VPS9D1: variants seen among roughly 807,000 people sequenced by gnomAD.
VPS9D1 encodes the protein VPS9 domain-containing protein 1.
In VPS9D1, 78 loss-of-function variants were observed where a neutral mutation model predicts 75.8. The ratio of observed to expected loss-of-function variants is 1.03; its 90% CI spans 0.86 to 1.24. The LOEUF (loss-of-function observed/expected upper bound fraction) is 1.24. Among genes scored for constraint, VPS9D1 ranks in the 50% most tolerant of loss-of-function variants. The pLI is 0.00. For synonymous variants in VPS9D1, 481 were observed against 385.6 expected, an observed-to-expected ratio of 1.25 and a Z score of -2.90; for missense variants, 1,057 against 847.7, an observed-to-expected ratio of 1.25 and a Z score of -3.07.
chr16:89,720,152 C>G (rs1031526871), intron 1 of VPS9D1, among the ~76,000 whole-genome samples: 1 of 152,216 alleles, frequency 6.6e-6, no homozygotes, highest in Non-Finnish European at 1.5e-5. Context: ...TAAAAACCAA[C>G]TTGGGGAAAG....
Position 89,709,127 on chromosome 16 carries a change from C to T in VPS9D1, c.1597+100G>A. The T allele has an allele frequency of 3.2e-6, 5 of 1,551,004 alleles. No individual in the cohort carries two copies. In the South Asian group the frequency reaches 4.5e-5, roughly 14 times the overall value. Reference sequence around the variant, plus strand: ...TTGTTCTGGTCCCCCAACCTCCCCACCGGCACGTGACAAGAGAAGCTCAGT... The same window carrying T: ...TTGTTCTGGTCCCCCAACCTCCCCATCGGCACGTGACAAGAGAAGCTCAGT... On this transcript the variant is annotated intron_variant, in intron 12 of 14. Coordinates refer to ENST00000389386, the MANE Select transcript of VPS9D1 (RefSeq NM_004913.3).
Position 89,716,570 on chromosome 16 carries a change from G to A in VPS9D1, c.323C>T (p.Ala108Val), listed in dbSNP as rs777613955. 19 of 1,613,964 alleles carry A rather than the reference G, an allele frequency of 1.2e-5. No individual in the cohort carries two copies. The Admixed American group carries it at 2.0e-4, about 17-fold the overall frequency. Residue 108 changes from alanine (A) to valine (V), a missense_variant, in exon 4 of 15, where the codon GCC becomes GTC. Physicochemically the swap from Ala to Val is moderately conservative, Grantham distance 64. Coordinates refer to ENST00000389386, the MANE Select transcript of VPS9D1 (RefSeq NM_004913.3). ...GGAGTATACACGGCGGTGTCGGCCG[G>A]CAGGCTGGGGAATGGGAGCAGCTGC... The part of the protein sequence containing the change: ...MPAAAPIPQP[A>V]GRHRRVYSDE...
intron 8 of VPS9D1, 152 bp from the exon 9 acceptor site, chr16:89,711,564 C>T: frequency 1.4e-6 from 1 of 720,988 alleles, no homozygotes; most frequent in Non-Finnish European, 2.3e-6. Flanking sequence ...CCCGCCCCCG[C>T]CCCCACCCAC....
intron 10 of VPS9D1, among the ~76,000 whole-genome samples, 157 bp downstream of exon 10, chr16:89,710,427 CTG>C (rs1313620086): frequency 6.6e-6 from 1 of 152,182 alleles, no homozygotes; most frequent in Non-Finnish European, 1.5e-5. Flanking sequence ...TTCTACCACA[CTG>C]TTTCCAAAAT....
intron 1 of VPS9D1, chr16:89,720,319 T>A (rs2151648716): frequency 1.2e-6 from 1 of 824,658 alleles, no homozygotes; most frequent in South Asian, 5.6e-5. Context: ...TGCTTTTCCT[T>A]CCTAAGACGA....
chr16:89,718,113 T>A (rs10468304), intron 2 of VPS9D1: 438,295 of 447,686 alleles, frequency 0.98, 215,104 homozygotes, highest in East Asian at 1. Flanking sequence ...CTGTGATCCT[T>A]TGTGCAGCGG....
chr16:89,711,563 G>GCCCCCA (rs1251722209), intron 8 of VPS9D1, 151 bp from the exon 9 acceptor site: 1 of 309,760 alleles, frequency 3.2e-6, no homozygotes, highest in Non-Finnish European at 5.2e-6. Flanking sequence ...ACCCGCCCCC[G>GCCCCCA]CCCCCACCCA....
rs190360062 is a variant in VPS9D1, at chr16:89,709,723, G to A, written c.1388+54C>T. 5.6e-6 allele frequency: 9 copies of A among 1,611,116 alleles called. No homozygotes were observed. The Admixed American group carries it at 8.4e-5, about 15-fold the overall frequency. On this transcript the variant is annotated intron_variant, in intron 11 of 14. Transcript: ENST00000389386. The stretch of plus-strand genomic sequence containing the variant: ...AGGGAGCAGGGCAGGCCTCCTGGGG[G>A]ACTGGGCTGGAAGACACTAGGCCAC...
At chr16:89,719,425 G>A (rs2061181579) in intron 1 of VPS9D1, 4 of 487,046 alleles carry the variant, frequency 8.2e-6, no homozygotes, top group Non-Finnish European at 1.6e-5. Context: ...TCATTCAGTG[G>A]GCCTGGGGAA....
In VPS9D1 at chr16:89,710,940, C is replaced by G; in HGVS notation, c.904G>C (p.Ala302Pro). ...QCSVYSALYP[A>P]VSRAAAPAPG... is the part of the protein sequence containing the mutation. The stretch of plus-strand genomic sequence containing the variant: ...GCTGGCGCGGCTGCTCTGCTCACGG[C>G]GGGATACAGGGCGCTGTACACGGAG... The change falls in exon 10 of 15, where the codon GCC becomes CCC. Residue 302 changes from alanine to proline, a missense_variant. Ala to Pro is a conservative substitution (Grantham distance 27, BLOSUM62 -1). Coordinates refer to ENST00000389386, the MANE Select transcript of VPS9D1 (RefSeq NM_004913.3). 6.8e-7 allele frequency: 1 copy of G among 1,479,184 alleles called. No individual in the cohort carries two copies. The highest frequency in any genetic ancestry group is 8.9e-7 in the Non-Finnish European group (1 of 1,120,308). 91.6% of individuals were successfully genotyped at this position (1,479,184 alleles called of 1,614,324 possible). A position where few individuals can be genotyped will look rare whatever the true frequency, so the allele number is the denominator to read the frequency against.
In VPS9D1 at chr16:89,712,707, C is replaced by T. The variant is rs371673244; in HGVS notation, c.441G>A (p.Thr147=). Reference sequence around the variant, plus strand: ...TCTGCAGGGAGGCCTCCTCCAGTGGCGTCAGCTCTCTGGAAATGTGACAAG... The same window carrying T: ...TCTGCAGGGAGGCCTCCTCCAGTGGTGTCAGCTCTCTGGAAATGTGACAAG... The part of the protein sequence containing the change: ...AESQSCKKEL[T]PLEEASLQNQ... Residue 147 remains threonine, a synonymous_variant, in exon 5 of 15, where the codon ACG becomes ACA. Coordinates refer to ENST00000389386, the MANE Select transcript of VPS9D1 (RefSeq NM_004913.3). 1.2e-6 allele frequency: 2 copies of T among 1,600,508 alleles called. No individual in the cohort carries two copies. Among genetic ancestry groups the T allele is most frequent in the African/African-American group, 2.7e-5 (2 of 73,820 alleles).
intron 2 of VPS9D1, chr16:89,717,514 C>T: frequency 2.2e-6 from 1 of 454,742 alleles, no homozygotes; most frequent in Non-Finnish European, 4.4e-6. Context: ...GTGGGAGCTG[C>T]CTCTCTGTGA....
chr16:89,709,021 C>CCCCT, intron 12 of VPS9D1, 65 bp from the exon 13 acceptor site: 2 of 1,435,334 alleles, frequency 1.4e-6, no homozygotes, highest in Non-Finnish European at 1.9e-6. Flanking sequence ...ACCCCTTATA[C>CCCCT]CCCGCCCACC....
Position 89,712,657 on chromosome 16 carries a change from T to C in VPS9D1, c.491A>G (p.Glu164Gly). Reference sequence around the variant, plus strand: ...GGGGTCTAGCCGCGCCATTCGGGCCTCATACGCAGCCTTCAGCTTCTGATT... The same window carrying C: ...GGGGTCTAGCCGCGCCATTCGGGCCCCATACGCAGCCTTCAGCTTCTGATT... ...LQNQKLKAAY[E>G]ARMARLDPSQ... The change falls in exon 5 of 15, where the codon GAG (glutamate) becomes GGG (glycine). Residue 164 changes from glutamate to glycine, a missense_variant. By Grantham distance (98) the Glu-to-Gly change is moderately conservative. Transcript: ENST00000389386. The C allele has an allele frequency of 6.2e-7, 1 of 1,612,142 alleles. No individual in the cohort carries two copies. Among genetic ancestry groups the C allele is most frequent in the Non-Finnish European group, 8.5e-7 (1 of 1,178,934 alleles).
At chr16:89,719,359 C>A (rs1331136293) in intron 1 of VPS9D1, 2 of 580,996 alleles carry the variant, frequency 3.4e-6, no homozygotes, top group East Asian at 7.5e-5. Context: ...CAGGGACGAG[C>A]TGGACCTCAT....
rs1189673885 is a variant in VPS9D1, at chr16:89,707,597, C to T, written c.*264G>A. 6.7e-6 allele frequency: 3 copies of T among 450,142 alleles called. No homozygotes were observed. Among genetic ancestry groups the T allele is most frequent in the Non-Finnish European group, 1.2e-5 (3 of 246,918 alleles). 27.9% of individuals were successfully genotyped at this position (450,142 alleles called of 1,614,324 possible). On this transcript the variant is annotated 3_prime_UTR_variant, in exon 15 of 15. Coordinates refer to ENST00000389386, the MANE Select transcript of VPS9D1 (RefSeq NM_004913.3). ...CTTCTTGGCCTCTCTGAGGCCTACA[C>T]AGGAGAGCAGGGCCTGGTTCCTCCT...
chr16:89,720,325 G>A, intron 1 of VPS9D1: 5 of 846,164 alleles, frequency 5.9e-6, no homozygotes, highest in Non-Finnish European at 7.1e-6. Context: ...TCCTTCCTAA[G>A]ACGACTGCAA....
At chr16:89,711,670 G>A (rs2060926490) in intron 8 of VPS9D1, 1 of 638,800 alleles carries the variant, frequency 1.6e-6, no homozygotes, top group Non-Finnish European at 2.5e-6. Context: ...ACCCTCCCAC[G>A]CGACCCCTGA....
chr16:89,711,144 C>G (rs888793434), intron 9 of VPS9D1, 134 bp from the exon 10 acceptor site: 3 of 1,216,446 alleles, frequency 2.5e-6, no homozygotes, highest in East Asian at 2.6e-5. Context: ...AGTCTGCCCC[C>G]CGCCCCCGCT....
Sources: gnomAD v4.1 joint callset for allele counts (sites outside exome capture counted in the v4.1 genomes callset) on GRCh38, gnomAD v4.1.1 for gene constraint, MANE v1.5 for transcripts, NCBI Gene and HGNC (gene_info 2026-07-23, HGNC 2026-07-21) for gene names.